IRAG2: variants seen among roughly 807,000 people sequenced by gnomAD.
IRAG2 encodes the protein inositol 1,4,5-triphosphate receptor associated 2.
Under a neutral mutation model 69.9 loss-of-function variants are expected in IRAG2, and 45 were observed. That is an observed-to-expected ratio of 0.64 (90% CI 0.51 to 0.83). The LOEUF is 0.83. IRAG2 is among the 40% of genes least tolerant of loss of function. IRAG2 has a pLI of 0.00. For missense variants in IRAG2, 520 were observed against 587.0 expected (o/e 0.89, Z 1.18); for synonymous variants, 193 against 202.4 (o/e 0.95, Z 0.40).
chr12:25,076,746 T>C (rs1946712329), intron 6 of IRAG2: 2 of 306,054 alleles, frequency 6.5e-6, no homozygotes, highest in Non-Finnish European at 9.6e-6. Context: ...TTATATGTGT[T>C]AGGATATTAT....
Position 25,052,957 on chromosome 12 carries a change from G to C in IRAG2, c.-447+1G>C, listed in dbSNP as rs1944935377. 1 of 398,584 alleles carries C rather than the reference G, an allele frequency of 2.5e-6. No homozygotes were observed. Among genetic ancestry groups the C allele is most frequent in the African/African-American group, 2.1e-5 (1 of 48,762 alleles). 24.7% of individuals were successfully genotyped at this position (398,584 alleles called of 1,614,324 possible). A position where few individuals can be genotyped will look rare whatever the true frequency, so the allele number is the denominator to read the frequency against. ...CAGCAGAAGACAAGGAAACTGAAGA[G>C]TGAGTAGCAAATATTCATTTATGAC... On this transcript the variant is annotated splice_donor_variant, in intron 1 of 21. Coordinates refer to ENST00000556887, the MANE Select transcript of IRAG2 (RefSeq NM_001366544.2). LOFTEE classifies it low-confidence loss of function (5UTR_SPLICE).
intron 10 of IRAG2, among the ~76,000 whole-genome samples, chr12:25,084,538 G>GGGGT (rs1473037783): frequency 3.3e-5 from 4 of 122,002 alleles, no homozygotes; most frequent in Non-Finnish European, 7.3e-5. Context: ...TATGCATGGA[G>GGGGT]GGGTGTGTGT....
chr12:25,018,663 T>C lies in IRAG2; in HGVS notation c.1214+1371T>C, dbSNP rs188256223. On this transcript the variant is annotated intron_variant, in intron 6 of 38. Transcript: ENST00000636465. The stretch of plus-strand genomic sequence containing the variant: ...CTGAAATATAAAAATTCAAAGTTTC[T>C]TTAACAAAACTGCTTTGGATGAATA... 2.3e-3 allele frequency among the ~76,000 whole-genome samples: 354 copies of C among 152,360 alleles called. 1 individual carries two copies. The highest frequency in any genetic ancestry group is 3.7e-3 in the Admixed American group (57 of 15,304).
In IRAG2 at chr12:25,079,261, C is replaced by T. The variant is rs114104872; in HGVS notation, c.42C>T (p.Arg14=). The change falls in exon 7 of 22, where the codon CGC becomes CGT. Residue 14 remains arginine (R), a synonymous_variant. Coordinates refer to ENST00000556887, the MANE Select transcript of IRAG2 (RefSeq NM_001366544.2). The stretch of plus-strand genomic sequence containing the variant: ...TCCTTAAGGAGAATGGTGTTGAACG[C>T]GTGTGTCCTGAGAGCCTGCTGCAGT... ...DPSMEENGVE[R]VCPESLLQSR... 553 of 1,613,976 alleles carry T rather than the reference C, an allele frequency of 3.4e-4. 4 individuals are homozygous for T. The East Asian group carries it at 0.012, about 35-fold the overall frequency.
chr12:25,103,758 A>G, intron 17 of IRAG2, 79 bp from the exon 18 acceptor site: 2 of 1,031,294 alleles, frequency 1.9e-6, no homozygotes, highest in South Asian at 2.6e-5. Context: ...ATATGCATGT[A>G]CAAGGATATT....
intron 13 of IRAG2, 47 bp from the exon 14 acceptor site, chr12:25,090,009 AT>A (rs1947928969): frequency 6.3e-7 from 1 of 1,585,638 alleles, no homozygotes; most frequent in Non-Finnish European, 8.6e-7. Flanking sequence ...ATCTGACCAC[AT>A]CCGGTTTTCT....
intron 1 of IRAG2, among the ~76,000 whole-genome samples, chr12:25,055,816 A>G (rs574276951): frequency 6.6e-6 from 1 of 152,038 alleles, no homozygotes; most frequent in Non-Finnish European, 1.5e-5. Context: ...AAAAGCTTAT[A>G]GGATGTGTAT....
intron 2 of IRAG2, among the ~76,000 whole-genome samples, chr12:25,008,753 A>T (rs1216469166): frequency 6.6e-6 from 1 of 152,138 alleles, no homozygotes; most frequent in Non-Finnish European, 1.5e-5. Context: ...TAAAAGAAAA[A>T]TTAGCTGAGC....
At chr12:25,086,615 A>G (rs1432007121) in intron 10 of IRAG2, among the ~76,000 whole-genome samples, 7 of 152,212 alleles carry the variant, frequency 4.6e-5, no homozygotes, top group Admixed American at 4.6e-4. Flanking sequence ...ATCCTGGCTA[A>G]CAATATCTAC....
At chr12:25,074,389 ATATCC>A (rs1466104525) in intron 6 of IRAG2, among the ~76,000 whole-genome samples, 1 of 152,130 alleles carries the variant, frequency 6.6e-6, no homozygotes, top group Non-Finnish European at 1.5e-5. Flanking sequence ...AATACCAAAT[ATATCC>A]CCATGTTCTT....
intron 15 of IRAG2, chr12:25,097,380 T>C (rs978207830): frequency 6.0e-6 from 1 of 165,926 alleles, no homozygotes; most frequent in Admixed American, 6.3e-5. Flanking sequence ...CTGTGTGATA[T>C]AATTATATAC....
intron 6 of IRAG2, among the ~76,000 whole-genome samples, chr12:25,072,528 C>G (rs372711650): frequency 1.3e-5 from 2 of 152,296 alleles, no homozygotes; most frequent in East Asian, 1.9e-4. Context: ...AAATAGAAAG[C>G]TCTCCTTAGA....
chr12:25,020,159 C>G (rs1944566576), intron 6 of IRAG2, among the ~76,000 whole-genome samples: 1 of 152,204 alleles, frequency 6.6e-6, no homozygotes, highest in African/African-American at 2.4e-5. Flanking sequence ...AGTCTATAAT[C>G]TAACGGGAGC....
rs761316313 is a variant in IRAG2, at chr12:25,069,481, GTTC to G, written c.24+58_24+60del. 3.3e-5 allele frequency: 49 copies of G among 1,504,754 alleles called. No homozygotes were observed. In the East Asian group the frequency reaches 7.9e-4, roughly 24 times the overall value. 93.2% of individuals were successfully genotyped at this position (1,504,754 alleles called of 1,614,324 possible). On this transcript the variant is annotated intron_variant, in intron 6 of 21. Coordinates refer to ENST00000556887, the MANE Select transcript of IRAG2 (RefSeq NM_001366544.2). The stretch of plus-strand genomic sequence containing the variant: ...TTCATTTTCAGTATTACCATATCCT[GTTC>G]TTCTTCTATGGGTATTCTTTTTCCC...
Position 25,039,546 on chromosome 12 carries a change from T to C in IRAG2, c.2144+1409T>C, listed in dbSNP as rs544743649. 1.9e-3 allele frequency among the ~76,000 whole-genome samples: 282 copies of C among 152,328 alleles called. 6 individuals are homozygous for C. The highest frequency in any genetic ancestry group is 2.6e-4 in the Non-Finnish European group (18 of 68,026). Reference sequence around the variant, plus strand: ...CCCGGGTTCAGGCCATTCTCCTGCCTCAGCCTCCCGAGTAGCTGGGACTAC... The same window carrying C: ...CCCGGGTTCAGGCCATTCTCCTGCCCCAGCCTCCCGAGTAGCTGGGACTAC... On this transcript the variant is annotated intron_variant, in intron 16 of 38. Coordinates refer to the IRAG2 transcript ENST00000636465.
intron 1 of IRAG2, among the ~76,000 whole-genome samples, chr12:25,056,276 A>T (rs1945253063): frequency 6.6e-6 from 1 of 152,194 alleles, no homozygotes; most frequent in South Asian, 2.1e-4. Context: ...GATCCAGGTG[A>T]TTGAGATACT....
intron 6 of IRAG2, among the ~76,000 whole-genome samples, chr12:25,076,025 G>A (rs911156150): frequency 1.3e-5 from 2 of 151,936 alleles, no homozygotes; most frequent in Non-Finnish European, 2.9e-5. Flanking sequence ...CCAACCCCTT[G>A]AGGGTTTCAT....
intron 2 of IRAG2, among the ~76,000 whole-genome samples, chr12:25,008,773 G>A (rs1944451871): frequency 6.6e-6 from 1 of 152,102 alleles, no homozygotes; most frequent in Non-Finnish European, 1.5e-5. Flanking sequence ...CAACATAATT[G>A]CTAAAGATAG....
chr12:25,107,943 A>G lies in IRAG2; in HGVS notation c.1383A>G (p.Gln461=), dbSNP rs1184378391. 3 of 1,614,078 alleles carry G rather than the reference A, an allele frequency of 1.9e-6. No individual in the cohort carries two copies. The highest frequency in any genetic ancestry group is 2.2e-5 in the East Asian group (1 of 44,896). ...FAALMSFLTG[Q]LFQKSVDAAP... ...CTTTGATGAGCTTCCTCACAGGCCA[A>G]TTATTCCAGAAGTCTGTGGATGCCG... is the stretch of plus-strand genomic sequence containing the variant. The change falls in exon 22 of 22, where the codon CAA becomes CAG. Residue 461 remains glutamine, a synonymous_variant. Coordinates refer to ENST00000556887, the MANE Select transcript of IRAG2 (RefSeq NM_001366544.2).
Sources: gnomAD v4.1 joint callset for allele counts (sites outside exome capture counted in the v4.1 genomes callset) on GRCh38, gnomAD v4.1.1 for gene constraint, MANE v1.5 for transcripts, NCBI Gene and HGNC (gene_info 2026-07-23, HGNC 2026-07-21) for gene names.